The following TXNRD1 variants were observed in gnomAD, a reference collection of about 807,000 sequenced individuals.
The protein encoded by TXNRD1 is thioredoxin reductase 1, cytoplasmic.
A neutral mutation model predicts 80.3 loss-of-function variants in TXNRD1; 57 were observed. That is an observed-to-expected ratio of 0.71 (90% CI 0.57 to 0.89). The LOEUF (loss-of-function observed/expected upper bound fraction) is 0.89, where lower values mean the gene tolerates loss of function less well. Ranked by LOEUF, TXNRD1 falls within the 40% of genes least tolerant of loss-of-function variation. The probability of loss-of-function intolerance (pLI) is 0.00; values close to 1 mark genes in which losing one functional copy is unlikely to be tolerated. For missense variants in TXNRD1, 730 were observed against 803.0 expected (o/e 0.91, Z 1.10); for synonymous variants, 291 against 285.2 (o/e 1.02, Z -0.20).
intron 1 of TXNRD1, among the ~76,000 whole-genome samples, chr12:104,232,935 C>T (rs2032657380): frequency 6.6e-6 from 1 of 152,190 alleles, no homozygotes; most frequent in South Asian, 2.1e-4. Context: ...AGCTGGACCG[C>T]ACAATCTAGA....
rs773711676 is a variant in TXNRD1, at chr12:104,304,033, C to A, written c.415-7257C>A. 5.0e-6 allele frequency: 8 copies of A among 1,613,246 alleles called. No homozygotes were observed. The East Asian group carries it at 1.8e-4, about 36-fold the overall frequency. ...CAAAGCTCCTGGAGCTCACCGCTGA[C>A]GAGGAGAAGTGCCGCAGCATCCGCA... On this transcript the variant is annotated intron_variant, in intron 4 of 16. Coordinates refer to ENST00000525566, the MANE Select transcript of TXNRD1 (RefSeq NM_001093771.3).
intron 5 of TXNRD1, among the ~76,000 whole-genome samples, chr12:104,312,539 G>A (rs1445725047): frequency 1.3e-5 from 2 of 152,170 alleles, no homozygotes; most frequent in African/African-American, 4.8e-5. Flanking sequence ...TACTCCAGTG[G>A]TGGTGTGTTT....
At chr12:104,328,900 C>G (rs2035861089) in intron 13 of TXNRD1, among the ~76,000 whole-genome samples, 1 of 151,774 alleles carries the variant, frequency 6.6e-6, no homozygotes, top group Non-Finnish European at 1.5e-5. Context: ...ACTAGATGGC[C>G]AGAAAAGAAT....
Position 104,292,463 on chromosome 12 carries a change from A to G in TXNRD1, c.414+3423A>G, listed in dbSNP as rs991612591. 2.0e-5 allele frequency among the ~76,000 whole-genome samples: 3 copies of G among 148,858 alleles called. No individual in the cohort carries two copies. The Admixed American group carries it at 2.0e-4, about 10-fold the overall frequency. On this transcript the variant is annotated intron_variant, in intron 4 of 16. Coordinates refer to ENST00000525566, the MANE Select transcript of TXNRD1 (RefSeq NM_001093771.3). ...GAGTGCAGTGGCATGAACTCAGCTCACTGCAACCTCCACCTCCTGGGTTCA... is the reference window on the plus strand; with the variant it reads ...GAGTGCAGTGGCATGAACTCAGCTCGCTGCAACCTCCACCTCCTGGGTTCA...
At chr12:104,307,165 T>G (rs973781744) in intron 4 of TXNRD1, among the ~76,000 whole-genome samples, 1 of 152,220 alleles carries the variant, frequency 6.6e-6, no homozygotes, top group Non-Finnish European at 1.5e-5. Context: ...TTAAACTGAC[T>G]GCTTACCTTG....
intron 1 of TXNRD1, among the ~76,000 whole-genome samples, chr12:104,237,375 A>C (rs907067632): frequency 2.6e-5 from 4 of 152,222 alleles, no homozygotes; most frequent in Admixed American, 6.5e-5. Flanking sequence ...ATTACAAATT[A>C]AGCCAATTAG....
At chr12:104,271,640 G>C (rs2033654956) in intron 3 of TXNRD1, among the ~76,000 whole-genome samples, 1 of 152,132 alleles carries the variant, frequency 6.6e-6, no homozygotes, top group South Asian at 2.1e-4. Flanking sequence ...GATCAGTCAG[G>C]GTGGGGCAGA....
chr12:104,304,030 T>G, intron 4 of TXNRD1: 2 of 1,613,108 alleles, frequency 1.2e-6, no homozygotes, highest in Non-Finnish European at 1.7e-6. Context: ...AGCTCACCGC[T>G]GACGAGGAGA....
At chr12:104,292,685 C>A (rs117059300) in intron 4 of TXNRD1, among the ~76,000 whole-genome samples, 1 of 152,126 alleles carries the variant, frequency 6.6e-6, no homozygotes, top group South Asian at 2.1e-4. Flanking sequence ...TGAGCCACCA[C>A]GCCCGGCTTG....
chr12:104,285,900 G>C (rs937586050), intron 3 of TXNRD1: 1 of 152,160 alleles, frequency 6.6e-6, no homozygotes, highest in African/African-American at 2.4e-5. Flanking sequence ...AGAATCAGGT[G>C]AAACACTCAT....
intron 16 of TXNRD1, chr12:104,346,152 A>G (rs2036483670): frequency 2.4e-6 from 1 of 421,740 alleles, no homozygotes; most frequent in South Asian, 1.8e-5. Flanking sequence ...AGCTGGGACC[A>G]CAGGTACATG....
At chr12:104,319,886 A>G (rs1183252932) in intron 9 of TXNRD1, among the ~76,000 whole-genome samples, 1 of 152,284 alleles carries the variant, frequency 6.6e-6, no homozygotes, top group Non-Finnish European at 1.5e-5. Context: ...GTATGAAAGT[A>G]TGTAATAAAA....
chr12:104,241,622 C>A (rs1338030702), intron 1 of TXNRD1, among the ~76,000 whole-genome samples: 1 of 152,240 alleles, frequency 6.6e-6, no homozygotes, highest in African/African-American at 2.4e-5. Flanking sequence ...CCCGCCTCAG[C>A]CTCCCAAAGT....
At chr12:104,217,295 A>T (rs887556251) in intron 1 of TXNRD1, among the ~76,000 whole-genome samples, 7 of 150,694 alleles carry the variant, frequency 4.6e-5, no homozygotes, top group African/African-American at 1.5e-4. Flanking sequence ...TAAAAAAAAA[A>T]AATTTACCAT....
At chr12:104,320,373 A>G (rs969910962) in intron 9 of TXNRD1, among the ~76,000 whole-genome samples, 19 of 152,222 alleles carry the variant, frequency 1.2e-4, no homozygotes, top group African/African-American at 4.6e-4. Flanking sequence ...CTTTTTTATG[A>G]GGACAGTAGC....
At chr12:104,273,671 A>G (rs2033700715) in intron 3 of TXNRD1, among the ~76,000 whole-genome samples, 1 of 152,204 alleles carries the variant, frequency 6.6e-6, no homozygotes, top group African/African-American at 2.4e-5. Context: ...CAGGATCCTC[A>G]AGAGCAAGTA....
Position 104,288,985 on chromosome 12 carries a change from T to A in TXNRD1, c.359T>A (p.Leu120Gln). The change falls in exon 4 of 17, where the codon CTG (leucine) becomes CAG (glutamine). Residue 120 changes from leucine to glutamine, a missense_variant. Coordinates refer to ENST00000525566, the MANE Select transcript of TXNRD1 (RefSeq NM_001093771.3). ...TCGGAATTGGCCGCGGAAACCGATCTGCCCGTTGTGTTTGTGAAACAGAGA... is the reference window on the plus strand; with the variant it reads ...TCGGAATTGGCCGCGGAAACCGATCAGCCCGTTGTGTTTGTGAAACAGAGA... ...TLSELAAETDLPVVFVKQRKI... is the reference protein window; with the variant it reads ...TLSELAAETDQPVVFVKQRKI... 1 of 1,614,016 alleles carries A rather than the reference T, an allele frequency of 6.2e-7. No individual in the cohort carries two copies. The highest frequency in any genetic ancestry group is 8.5e-7 in the Non-Finnish European group (1 of 1,179,884).
intron 1 of TXNRD1, among the ~76,000 whole-genome samples, chr12:104,230,160 C>A (rs2032583248): frequency 6.6e-6 from 1 of 151,842 alleles, no homozygotes; most frequent in South Asian, 2.1e-4. Flanking sequence ...ACCTCCACCT[C>A]CCGGTTCAAG....
intron 3 of TXNRD1, chr12:104,287,011 C>A (rs906901120): frequency 5.2e-6 from 7 of 1,343,016 alleles, no homozygotes; most frequent in African/African-American, 3.0e-5. Flanking sequence ...AAACAGCAAC[C>A]CTTTCACCTC....
Sources: allele counts gnomAD v4.1 joint callset (sites outside exome capture counted in the v4.1 genomes callset), GRCh38; gene constraint gnomAD v4.1.1; transcripts MANE v1.5; gene names NCBI Gene and HGNC (gene_info 2026-07-23, HGNC 2026-07-21).